The following CDKL5 variants were observed in gnomAD, a reference collection of about 807,000 sequenced individuals.
CDKL5 encodes the protein cyclin dependent kinase like 5.
A neutral mutation model predicts 61.7 loss-of-function variants in CDKL5; 8 were observed. The ratio of observed to expected loss-of-function variants is 0.13; its 90% confidence interval spans 0.08 to 0.23. CDKL5 has a LOEUF of 0.23. Among genes scored for constraint, CDKL5 ranks in the 10% least tolerant of loss-of-function variants. The probability of loss-of-function intolerance (pLI) is 1.00; values close to 1 mark genes in which losing one functional copy is unlikely to be tolerated. For missense variants in CDKL5, 440 were observed against 734.5 expected (o/e 0.60, Z 4.63); for synonymous variants, 275 against 272.3 (o/e 1.01, Z -0.10).
chrX:18,468,143 A>G (rs1015876717), intron 1 of CDKL5, among the ~76,000 whole-genome samples: 3 of 111,780 alleles, frequency 2.7e-5, no homozygotes, highest in East Asian at 5.6e-4. Context: ...TCAATTCAGT[A>G]TGTAGTTTTC....
intron 3 of CDKL5, among the ~76,000 whole-genome samples, chrX:18,518,434 C>G (rs1923126511): frequency 1.9e-5 from 1 of 53,962 alleles, no homozygotes; most frequent in African/African-American, 7.4e-5. Context: ...GTGACAGAGT[C>G]TCGCTCTGTC....
chrX:18,603,292 C>A (rs914274890), intron 11 of CDKL5, among the ~76,000 whole-genome samples: 1 of 111,771 alleles, frequency 8.9e-6, no homozygotes, highest in Non-Finnish European at 1.9e-5. Flanking sequence ...ATCATGTTTT[C>A]CAACAAACCT....
chrX:18,616,743 C>T (rs909133188), intron 15 of CDKL5, among the ~76,000 whole-genome samples: 1 of 111,878 alleles, frequency 8.9e-6, no homozygotes, highest in Non-Finnish European at 1.9e-5. Context: ...TAGTGCTTGT[C>T]ATCATAACTT....
chrX:18,432,794 A>G (rs1372693882), intron 1 of CDKL5, among the ~76,000 whole-genome samples: 1 of 110,280 alleles, frequency 9.1e-6, no homozygotes, highest in Non-Finnish European at 1.9e-5. Flanking sequence ...TTTTGTAGAG[A>G]TGGGTTCTCA....
Position 18,633,560 on chromosome X carries a change from G to T in CDKL5, c.*4803G>T. Reference sequence around the variant, plus strand: ...ACAGAATATCTTGAGGTCTGGTTCAGCTGATGAAAAATTCTGTCTCAGAAA... The same window carrying T: ...ACAGAATATCTTGAGGTCTGGTTCATCTGATGAAAAATTCTGTCTCAGAAA... On this transcript the variant is annotated 3_prime_UTR_variant, in exon 18 of 18. Transcript: ENST00000623535. 1.3e-6 allele frequency: 1 copy of T among 754,646 alleles called. No individual in the cohort carries two copies. Among genetic ancestry groups the T allele is most frequent in the Non-Finnish European group, 1.6e-6 (1 of 639,439 alleles). 62.2% of individuals were successfully genotyped at this position (754,646 alleles called of 1,213,427 possible).
chrX:18,460,566 T>A (rs749984981), intron 1 of CDKL5, among the ~76,000 whole-genome samples: 58 of 111,345 alleles, frequency 5.2e-4, no homozygotes, highest in African/African-American at 1.7e-3. Flanking sequence ...GGGTGTGATC[T>A]CAGCTCACTG....
downstream of CDKL5, chrX:18,644,771 T>C: frequency 3.7e-6 from 2 of 534,893 alleles, no homozygotes; most frequent in South Asian, 5.3e-5. Context: ...GAGCCTTGTC[T>C]CCTAGGAATG....
At chrX:18,462,079 GTT>G (rs759099634) in intron 1 of CDKL5, among the ~76,000 whole-genome samples, 8 of 96,949 alleles carry the variant, frequency 8.3e-5, no homozygotes, top group African/African-American at 3.0e-4. Flanking sequence ...TTTTTTTGCG[GTT>G]TTTTTTTTTT....
chrX:18,447,171 C>T (rs922749984), intron 1 of CDKL5, among the ~76,000 whole-genome samples: 17 of 111,029 alleles, frequency 1.5e-4, no homozygotes, highest in African/African-American at 4.3e-4. Flanking sequence ...CGGGTAGAGG[C>T]GTGTAGATAT....
chrX:18,630,806 A>G lies in CDKL5; in HGVS notation c.*2049A>G, dbSNP rs1184089275. ...CTTTTTCTGTCTTACTTCTTTCACC[A>G]GTTCAGTACTGTTTGGGTAGCTCTG... On this transcript the variant is annotated 3_prime_UTR_variant, in exon 18 of 18. Coordinates refer to ENST00000623535, the MANE Select transcript of CDKL5 (RefSeq NM_001323289.2). 8 of 748,468 alleles carry G rather than the reference A, an allele frequency of 1.1e-5. No individual in the cohort carries two copies. The highest frequency in any genetic ancestry group is 3.1e-6 in the Non-Finnish European group (2 of 638,185). The allele number at this position is 748,468 out of a possible 1,213,427, so 61.7% of individuals were successfully genotyped here.
intron 1 of CDKL5, among the ~76,000 whole-genome samples, chrX:18,436,848 G>A (rs1294075922): frequency 3.1e-5 from 3 of 97,625 alleles, no homozygotes. Context: ...GCAGTGAGCC[G>A]TGATTATGCC....
rs1401410680 is a variant in CDKL5, at chrX:18,628,711, G to A, written c.2837G>A (p.Arg946His). ...GGGCACCCCTATAACAGAACAAATC[G>A]CTCACGAATGCCAAATCTGAATGAT... ...PNGHPYNRTNRSRMPNLNDLK... is the reference protein window; with the variant it reads ...PNGHPYNRTNHSRMPNLNDLK... Residue 946 changes from arginine (R) to histidine (H), a missense_variant, in exon 18 of 18, where the codon CGC (arginine) becomes CAC (histidine). Arg to His is a conservative substitution (Grantham distance 29). Around this residue, in one of 2 missense-constraint regions of CDKL5, gnomAD observed 363 missense variants for 516.3 expected, o/e 0.70. Transcript: ENST00000623535. 1.8e-6 allele frequency: 2 copies of A among 1,121,072 alleles called. No individual in the cohort carries two copies. Among genetic ancestry groups the A allele is most frequent in the Admixed American group, 2.7e-5 (1 of 36,950 alleles). 92.4% of individuals were successfully genotyped at this position (1,121,072 alleles called of 1,213,427 possible).
At chrX:18,449,167 T>A (rs1931950721) in intron 1 of CDKL5, among the ~76,000 whole-genome samples, 1 of 112,519 alleles carries the variant, frequency 8.9e-6, no homozygotes, top group African/African-American at 3.2e-5. Flanking sequence ...AGAGCCTGTT[T>A]TCTTTGGGTT....
rs754393231 is a variant in CDKL5 at position 18,556,191 on chromosome X, T to TA, written c.100-8280dup. The stretch of plus-strand genomic sequence containing the variant: ...GTTATTTTGGAAGGTTTCTACACAG[T>TA]AAAAAAGATAAAGATGGAAGTAATG... On this transcript the variant is annotated intron_variant, in intron 3 of 17. Coordinates refer to ENST00000623535, the MANE Select transcript of CDKL5 (RefSeq NM_001323289.2). 9.8e-5 allele frequency among the ~76,000 whole-genome samples: 11 copies of TA among 112,034 alleles called. No individual in the cohort carries two copies. In the South Asian group the frequency reaches 3.7e-3, roughly 38 times the overall value.
rs757413396 is a variant in CDKL5, at chrX:18,461,990, G to A, written c.-163+36295G>A. ...GTAAAGTAAGCTTATCCAACCCGCGGTCTGTGGGCTGCATGTGGCCCAGGA... is the reference window on the plus strand; with the variant it reads ...GTAAAGTAAGCTTATCCAACCCGCGATCTGTGGGCTGCATGTGGCCCAGGA... On this transcript the variant is annotated intron_variant, in intron 1 of 17. Coordinates refer to ENST00000623535, the MANE Select transcript of CDKL5 (RefSeq NM_001323289.2). Among the ~76,000 whole-genome samples, 27 of 111,442 alleles carry A rather than the reference G, an allele frequency of 2.4e-4. 1 individual carries two copies. Among genetic ancestry groups the A allele is most frequent in the Admixed American group, 2.1e-3 (22 of 10,396 alleles).
intron 8 of CDKL5, chrX:18,587,630 C>T: frequency 3.2e-5 from 7 of 220,332 alleles, no homozygotes; most frequent in Non-Finnish European, 4.9e-5. Context: ...CATTTCATTC[C>T]CCAAGTGAGG....
chrX:18,561,187 G>A (rs1441821979), intron 3 of CDKL5, among the ~76,000 whole-genome samples: 5 of 111,578 alleles, frequency 4.5e-5, no homozygotes, highest in Admixed American at 1.9e-4. Flanking sequence ...GCTTTATGGT[G>A]CACTTAAGCT....
At chrX:18,621,864 A>G (rs1027820211) in intron 16 of CDKL5, among the ~76,000 whole-genome samples, 3 of 112,176 alleles carry the variant, frequency 2.7e-5, no homozygotes, top group African/African-American at 9.7e-5. Context: ...TAAAATGTTT[A>G]AAGTGTTAAT....
chrX:18,512,785 T>C (rs1243892694), intron 3 of CDKL5, among the ~76,000 whole-genome samples: 1 of 111,520 alleles, frequency 9.0e-6, no homozygotes, highest in African/African-American at 3.2e-5. Context: ...TGCTATACTT[T>C]TAATGACTTG....
Sources: allele counts gnomAD v4.1 joint callset (sites outside exome capture counted in the v4.1 genomes callset), GRCh38; gene constraint gnomAD v4.1.1; regional missense constraint gnomAD v4.1.1; transcripts MANE v1.5; gene names NCBI Gene and HGNC (gene_info 2026-07-23, HGNC 2026-07-21).